The following DDRGK1 variants were observed in gnomAD, a reference collection of about 807,000 sequenced individuals.
DDRGK1 encodes DDRGK domain containing 1.
A neutral mutation model predicts 45.8 loss-of-function variants in DDRGK1; 38 were observed. That is an observed-to-expected ratio of 0.83 (90% CI 0.64 to 1.09). The LOEUF (loss-of-function observed/expected upper bound fraction) is 1.09, where lower values mean the gene tolerates loss of function less well. DDRGK1 is among the 50% of genes least tolerant of loss of function. The probability of loss-of-function intolerance (pLI) is 0.00; values close to 1 mark genes in which losing one functional copy is unlikely to be tolerated. For missense variants in DDRGK1, 403 were observed against 419.9 expected (o/e 0.96, Z 0.35); for synonymous variants, 171 against 168.7 (o/e 1.01, Z -0.11).
intron 8 of DDRGK1, 59 bp from the exon 9 acceptor site, chr20:3,190,878 A>G: frequency 1.3e-6 from 2 of 1,545,062 alleles, no homozygotes; most frequent in Non-Finnish European, 1.8e-6. Context: ...ATCTGGCCTG[A>G]GAATGCCCAC....
At position 3,190,668 on chromosome 20, in the gene DDRGK1, G is replaced by A. The variant is rs2066985421; in HGVS notation, c.930C>T (p.Ala310=). 3 of 1,613,854 alleles carry A rather than the reference G, an allele frequency of 1.9e-6. No individual in the cohort carries two copies. Among genetic ancestry groups the A allele is most frequent in the Non-Finnish European group, 2.5e-6 (3 of 1,179,992 alleles). The change falls in exon 9 of 9, where the codon GCC becomes GCT. Residue 310 remains alanine (A), a synonymous_variant. Coordinates refer to ENST00000354488, the MANE Select transcript of DDRGK1 (RefSeq NM_023935.3). Reference sequence around the variant, plus strand: ...AGGACTGGGGTCAGGCTGGGGCTTGGGCAGGGGACTCCCGGCCCCAGGCGA... The same window carrying A: ...AGGACTGGGGTCAGGCTGGGGCTTGAGCAGGGGACTCCCGGCCCCAGGCGA... ...SLIAWGRESP[A]QAPA
At chr20:3,201,287 CAAAAAA>C (rs60867959) in intron 2 of DDRGK1, among the ~76,000 whole-genome samples, 1 of 94,444 alleles carries the variant, frequency 1.1e-5, no homozygotes. Flanking sequence ...GACTCTGTCT[CAAAAAA>C]AAAAAAAAAA....
At position 3,190,601 on chromosome 20, in the gene DDRGK1, G is replaced by GTA; in HGVS notation, c.*50_*51dup. ...CAGGATGGTGGGGAGGGATGAAGAT[G>GTA]TATAGCCAGGTAGGCCACACCAACT... On this transcript the variant is annotated 3_prime_UTR_variant, in exon 9 of 9. Transcript: ENST00000354488. The GTA allele has an allele frequency of 1.9e-6, 3 of 1,600,134 alleles. No homozygotes were observed. Among genetic ancestry groups the GTA allele is most frequent in the Non-Finnish European group, 1.7e-6 (2 of 1,171,558 alleles).
Position 3,200,426 on chromosome 20 carries a change from TG to T in DDRGK1, c.323del (p.Pro108GlnfsTer83), listed in dbSNP as rs2067031488. ...LAQEEEGVEKPAETHLSGKIG... is the reference protein window; with the variant it reads ...LAQEEEGVEKXAETHLSGKIG... ...TTTTCCCCGACAGGTGAGTTTCCGC[TG>T]GCTTCTCGACACCTTCCTCCTCCTG... On this transcript the variant is annotated frameshift_variant, in exon 3 of 9. Coordinates refer to ENST00000354488, the MANE Select transcript of DDRGK1 (RefSeq NM_023935.3). LOFTEE classifies it high-confidence loss of function. The T allele has an allele frequency of 6.3e-7, 1 of 1,580,838 alleles. No individual in the cohort carries two copies. Among genetic ancestry groups the T allele is most frequent in the Admixed American group, 1.8e-5 (1 of 55,138 alleles).
At position 3,195,331 on chromosome 20, in the gene DDRGK1, C is replaced by T. The variant is rs372700265; in HGVS notation, c.533G>A (p.Arg178His). 52 of 1,607,056 alleles carry T rather than the reference C, an allele frequency of 3.2e-5. No individual in the cohort carries two copies. The highest frequency in any genetic ancestry group is 5.6e-5 in the South Asian group (5 of 89,964). Residue 178 changes from arginine (R) to histidine (H), a missense_variant, in exon 5 of 9, where the codon CGC (arginine) becomes CAC (histidine). Transcript: ENST00000354488. ...EQKEEEERKA[R>H]EEQAQREHEE... ...ATGCTCCCGCTGGGCCTGCTCCTCG[C>T]GGGCCTTCCTCTCCTCCTCCTCCTG... is the stretch of plus-strand genomic sequence containing the variant.
rs1329465662 is a variant in DDRGK1, at chr20:3,204,642, T to C, written c.-15A>G. 17 of 1,569,954 alleles carry C rather than the reference T, an allele frequency of 1.1e-5. No individual in the cohort carries two copies. Among genetic ancestry groups the C allele is most frequent in the Non-Finnish European group, 1.4e-5 (16 of 1,162,204 alleles). On this transcript the variant is annotated 5_prime_UTR_variant, in exon 1 of 9. Transcript: ENST00000354488. The stretch of plus-strand genomic sequence containing the variant: ...GGCGCCACCATGACGAGGGCCTCAG[T>C]GCAGAACCACTGCGTCCACCCTGAG...
intron 8 of DDRGK1, 103 bp downstream of exon 8, chr20:3,191,087 C>A: frequency 6.8e-7 from 1 of 1,469,780 alleles, no homozygotes; most frequent in Non-Finnish European, 9.4e-7. Flanking sequence ...ACCCCTCCCC[C>A]CATCTTGGGT....
Position 3,194,830 on chromosome 20 carries a change from C to G in DDRGK1, c.672G>C (p.Lys224Asn). The G allele has an allele frequency of 6.2e-7, 1 of 1,614,166 alleles. No individual in the cohort carries two copies. Among genetic ancestry groups the G allele is most frequent in the Non-Finnish European group, 8.5e-7 (1 of 1,180,010 alleles). ...CAGGCTCTGTTCAGTGGCTTCTTAC[C>G]TTGATGTAGTTGATGAACTCTGTCA... ...SFLTEFINYI[K>N]QSKVVLLEDL... Residue 224 changes from lysine to asparagine, a missense_variant and splice_region_variant, in exon 6 of 9, where the codon AAG becomes AAC. Coordinates refer to ENST00000354488, the MANE Select transcript of DDRGK1 (RefSeq NM_023935.3).
chr20:3,200,530 C>T (rs1233948951), intron 2 of DDRGK1, 76 bp from the exon 3 acceptor site: 3 of 1,351,844 alleles, frequency 2.2e-6, no homozygotes, highest in East Asian at 5.0e-5. Context: ...AACCCCTCGT[C>T]CCTCCCCTAA....
intron 1 of DDRGK1, 86 bp downstream of exon 1, chr20:3,204,451 G>C: frequency 1.4e-6 from 2 of 1,390,178 alleles, no homozygotes. Context: ...GTGCGCACGC[G>C]CAGGAGCCGC....
chr20:3,198,100 T>TAAAAAA (rs34302663), intron 4 of DDRGK1, among the ~76,000 whole-genome samples: 33 of 53,058 alleles, frequency 6.2e-4, no homozygotes, highest in African/African-American at 2.2e-3. Flanking sequence ...CCATCTCTCT[T>TAAAAAA]AAAAAAAAAA....
intron 4 of DDRGK1, among the ~76,000 whole-genome samples, chr20:3,196,442 C>T (rs1439921113): frequency 6.6e-6 from 1 of 151,964 alleles, no homozygotes; most frequent in African/African-American, 2.4e-5. Context: ...CTTTGGGAGG[C>T]CAAGGCGGGC....
At chr20:3,200,281 G>A (rs974500270) in intron 3 of DDRGK1, 61 bp downstream of exon 3, 6 of 1,520,600 alleles carry the variant, frequency 3.9e-6, no homozygotes, top group Non-Finnish European at 5.3e-6. Flanking sequence ...CTGCCTTAGG[G>A]AAAAAGGAAG....
intron 4 of DDRGK1, among the ~76,000 whole-genome samples, chr20:3,196,483 C>T (rs1276331667): frequency 6.6e-6 from 1 of 150,520 alleles, no homozygotes; most frequent in Non-Finnish European, 1.5e-5. Context: ...CGAGACCATC[C>T]TGGCTAACAC....
Position 3,191,193 on chromosome 20 carries a change from T to C in DDRGK1, c.775A>G (p.Thr259Ala). ...IQDLLAEGTI[T>A]GVIDDRGKFI... ...TGATTGGCTCTCATCATCTCACCTG[T>C]TATAGTCCCCTCAGCCAGCAGGTCC... Residue 259 changes from threonine (T) to alanine (A), a missense_variant, in exon 8 of 9, where the codon ACA becomes GCA. Physicochemically the swap from Thr to Ala is moderately conservative, Grantham distance 58 (BLOSUM62 0). Coordinates refer to ENST00000354488, the MANE Select transcript of DDRGK1 (RefSeq NM_023935.3). 6.2e-6 allele frequency: 10 copies of C among 1,614,190 alleles called. No homozygotes were observed. The highest frequency in any genetic ancestry group is 8.5e-6 in the Non-Finnish European group (10 of 1,180,020).
chr20:3,191,466 T>A (rs1236539573), intron 7 of DDRGK1: 3 of 659,396 alleles, frequency 4.5e-6, no homozygotes, highest in Non-Finnish European at 8.1e-6. Flanking sequence ...GGGGCAGTGA[T>A]GTTTGCAACA....
intron 4 of DDRGK1, among the ~76,000 whole-genome samples, chr20:3,198,048 T>G (rs1318160037): frequency 1.5e-5 from 2 of 137,692 alleles, no homozygotes; most frequent in African/African-American, 5.5e-5. Flanking sequence ...CCCAAGAGTT[T>G]GAAGGTGCAG....
rs534163746 is a variant in DDRGK1, at chr20:3,195,380, G to A, written c.511-27C>T. On this transcript the variant is annotated intron_variant, in intron 4 of 8. Transcript: ENST00000354488. ...TGTGGACATAGGAGGCAAAAGTCAG[G>A]TATCGGGGGCAGAACAGGGCAGGCA... The A allele has an allele frequency of 4.5e-6, 7 of 1,570,360 alleles. No homozygotes were observed. The South Asian group carries it at 8.5e-5, about 19-fold the overall frequency.
chr20:3,192,249 A>G (rs1442382189), intron 6 of DDRGK1, among the ~76,000 whole-genome samples: 1 of 152,162 alleles, frequency 6.6e-6, no homozygotes, highest in Non-Finnish European at 1.5e-5. Context: ...ACCAAAAGCT[A>G]TTTTAAATAA....
Sources: gnomAD v4.1 joint callset for allele counts (sites outside exome capture counted in the v4.1 genomes callset) on GRCh38, gnomAD v4.1.1 for gene constraint, MANE v1.5 for transcripts, NCBI Gene and HGNC (gene_info 2026-07-23, HGNC 2026-07-21) for gene names.